The following ATOSA variants were observed in gnomAD, a reference collection of about 807,000 sequenced individuals.
ATOSA encodes the protein atos homolog protein A.
chr15:52,617,921 T>C, the ATOSA span, among the ~76,000 whole-genome samples: 1 of 152,040 alleles, frequency 6.6e-6, no homozygotes, highest in South Asian at 2.1e-4. Flanking sequence ...ACCTCTGCAT[T>C]ATCACCTTGG....
At chr15:52,670,021 G>C in the ATOSA span, among the ~76,000 whole-genome samples, 2 of 152,162 alleles carry the variant, frequency 1.3e-5, no homozygotes, top group East Asian at 1.9e-4. Context: ...CTGTTCATTA[G>C]GGTCTACTAT....
At chr15:52,628,357 G>A in the ATOSA span, among the ~76,000 whole-genome samples, 1 of 152,126 alleles carries the variant, frequency 6.6e-6, no homozygotes, top group Non-Finnish European at 1.5e-5. Context: ...AAGAACCTAA[G>A]AGAATTCTGG....
the ATOSA span, among the ~76,000 whole-genome samples, chr15:52,661,098 T>C: frequency 6.6e-6 from 1 of 152,238 alleles, no homozygotes; most frequent in Admixed American, 6.5e-5. Flanking sequence ...AATAATTAGT[T>C]TATACCATTT....
the ATOSA span, among the ~76,000 whole-genome samples, chr15:52,633,327 AC>A: frequency 3.6e-3 from 541 of 152,326 alleles, 4 homozygotes; most frequent in African/African-American, 0.013. Context: ...TTATTCTTAT[AC>A]TTTAAACCAC....
the ATOSA span, among the ~76,000 whole-genome samples, chr15:52,703,257 G>A: frequency 3.3e-5 from 5 of 152,152 alleles, no homozygotes; most frequent in African/African-American, 1.2e-4. Context: ...GTAGAGGGAG[G>A]AATTTATTTA....
chr15:52,586,725 T>C, the ATOSA span: 1 of 164,350 alleles, frequency 6.1e-6, no homozygotes, highest in Non-Finnish European at 1.3e-5. Context: ...CTTTGTGTGG[T>C]CATCTCATTA....
the ATOSA span, among the ~76,000 whole-genome samples, chr15:52,637,808 T>C: frequency 2.0e-5 from 3 of 152,212 alleles, no homozygotes; most frequent in Non-Finnish European, 2.9e-5. Flanking sequence ...TTTATTATTA[T>C]AGTATTGCTA....
chr15:52,600,789 GGTT>G, the ATOSA span, among the ~76,000 whole-genome samples: 7 of 151,290 alleles, frequency 4.6e-5, no homozygotes, highest in Non-Finnish European at 7.4e-5. Context: ...AAATGGCCAA[GGTT>G]GTTTTTTTTT....
At chr15:52,673,547 T>C in the ATOSA span, among the ~76,000 whole-genome samples, 2 of 152,364 alleles carry the variant, frequency 1.3e-5, no homozygotes, top group African/African-American at 4.8e-5. Context: ...ATGAGTTATA[T>C]ATGTGAAGTA....
chr15:52,683,586 T>G, the ATOSA span, among the ~76,000 whole-genome samples: 1 of 152,236 alleles, frequency 6.6e-6, no homozygotes, highest in Non-Finnish European at 1.5e-5. Flanking sequence ...CTTCAGCACT[T>G]AAGTCATAAG....
the ATOSA span, among the ~76,000 whole-genome samples, chr15:52,624,283 C>T: frequency 2.0e-5 from 3 of 152,166 alleles, no homozygotes; most frequent in African/African-American, 7.2e-5. Context: ...CCTCTCCTTT[C>T]CACCAACCCA....
the ATOSA span, among the ~76,000 whole-genome samples, chr15:52,614,667 G>A: frequency 1.3e-5 from 2 of 151,698 alleles, no homozygotes; most frequent in South Asian, 4.2e-4. Context: ...TACCAACATG[G>A]TGAAACCCAG....
chr15:52,582,041 G>C, the ATOSA span: 1 of 835,554 alleles, frequency 1.2e-6, no homozygotes, highest in Non-Finnish European at 1.7e-6. Flanking sequence ...ACTGGTCCAG[G>C]ATAACAGGAG....
chr15:52,683,035 G>C, the ATOSA span, among the ~76,000 whole-genome samples: 1 of 152,166 alleles, frequency 6.6e-6, no homozygotes, highest in Non-Finnish European at 1.5e-5. Flanking sequence ...CCCAGTCTGC[G>C]TAAGTGTCTT....
chr15:52,609,717 T>C, the ATOSA span: 67,511 of 1,613,654 alleles, frequency 0.042, 2,456 homozygotes, highest in East Asian at 0.24. Flanking sequence ...AACTAGACTC[T>C]TGAGTATTAA....
chr15:52,644,921 T>A, the ATOSA span, among the ~76,000 whole-genome samples: 33 of 152,188 alleles, frequency 2.2e-4, no homozygotes, highest in African/African-American at 8.0e-4. Context: ...ATTGAATGCT[T>A]ATGTGAGCAG....
At chr15:52,694,230 G>A in the ATOSA span, among the ~76,000 whole-genome samples, 2 of 150,560 alleles carry the variant, frequency 1.3e-5, no homozygotes, top group East Asian at 1.9e-4. Flanking sequence ...GCAATGGCAC[G>A]ATCTCAGCTC....
the ATOSA span, among the ~76,000 whole-genome samples, chr15:52,593,028 C>T: frequency 6.6e-6 from 1 of 151,926 alleles, no homozygotes; most frequent in African/African-American, 2.4e-5. Flanking sequence ...ATCTGTAGAC[C>T]CAGCTATTTA....
chr15:52,704,776 G>A, the ATOSA span, among the ~76,000 whole-genome samples: 16 of 152,188 alleles, frequency 1.1e-4, no homozygotes, highest in Non-Finnish European at 1.8e-4. Context: ...CTGGTCCTCA[G>A]AGAAATGCAA....
Sources: allele counts gnomAD v4.1 joint callset (sites outside exome capture counted in the v4.1 genomes callset), GRCh38; gene constraint gnomAD v4.1.1; transcripts MANE v1.5; gene names NCBI Gene and HGNC (gene_info 2026-07-23, HGNC 2026-07-21).